SMYD3: variants seen among roughly 807,000 people sequenced by gnomAD.
SMYD3 encodes the protein SET and MYND domain containing 3, also known as histone-lysine N-methyltransferase SMYD3.
In SMYD3, 36 loss-of-function variants were observed where a neutral mutation model predicts 57.7. The observed-to-expected ratio is 0.62, with a 90% CI of 0.48 to 0.82. The LOEUF (loss-of-function observed/expected upper bound fraction) is 0.82. Ranked by LOEUF, SMYD3 falls within the 40% of genes least tolerant of loss-of-function variation. The pLI, the probability that SMYD3 is intolerant of heterozygous loss-of-function variation, is 0.00. For synonymous variants in SMYD3, 211 were observed against 195.0 expected (o/e 1.08, Z -0.68); for missense variants, 515 against 538.8 (o/e 0.96, Z 0.44).
At chr1:246,393,973 T>A (rs2066614682) in intron 1 of SMYD3, among the ~76,000 whole-genome samples, 1 of 152,186 alleles carries the variant, frequency 6.6e-6, no homozygotes, top group Non-Finnish European at 1.5e-5. Flanking sequence ...AGCAAAGGAT[T>A]TTTCCACATG....
intron 5 of SMYD3, among the ~76,000 whole-genome samples, chr1:246,170,966 AT>A (rs1029319608): frequency 2.6e-5 from 4 of 151,912 alleles, no homozygotes; most frequent in Non-Finnish European, 2.9e-5. Context: ...CAACCCTCTA[AT>A]TTTTTTTAAA....
Position 246,257,716 on chromosome 1 carries a change from G to A in SMYD3, c.531+69485C>T, listed in dbSNP as rs191458555. Among the ~76,000 whole-genome samples the A allele has an allele frequency of 4.2e-3, 646 of 152,318 alleles. 2 individuals carry two copies. Among genetic ancestry groups the A allele is most frequent in the Non-Finnish European group, 5.1e-3 (344 of 68,024 alleles). On this transcript the variant is annotated intron_variant, in intron 5 of 11. Transcript: ENST00000490107. ...ATTATGCGGTTGCTTTATAGGGTCT[G>A]TGGGCTATGTGCTTAAGGTGCTTTT...
intron 5 of SMYD3, among the ~76,000 whole-genome samples, chr1:246,184,525 A>C (rs935559044): frequency 2.0e-5 from 3 of 152,186 alleles, no homozygotes; most frequent in African/African-American, 7.2e-5. Context: ...ACAATATCAC[A>C]GATTATGGAC....
Position 246,086,139 on chromosome 1 carries a change from G to A in SMYD3, c.532-156202C>T, listed in dbSNP as rs564278973. 1.8e-4 allele frequency among the ~76,000 whole-genome samples: 27 copies of A among 151,930 alleles called. 1 individual carries two copies. The South Asian group carries it at 5.6e-3, about 32-fold the overall frequency. The stretch of plus-strand genomic sequence containing the variant: ...AAGAATGCCCTCTTTGGTTCTCAAA[G>A]CATTCTGCTTTGGACCACAAATTAT... On this transcript the variant is annotated intron_variant, in intron 5 of 11. Coordinates refer to ENST00000490107, the MANE Select transcript of SMYD3 (RefSeq NM_001167740.2).
intron 1 of SMYD3, among the ~76,000 whole-genome samples, chr1:246,486,797 CA>C (rs1408127407): frequency 6.6e-6 from 1 of 152,028 alleles, no homozygotes; most frequent in Admixed American, 6.6e-5. Context: ...TCACCACCCC[CA>C]AAAAAACTAA....
In SMYD3 at chr1:246,326,464, A is replaced by AT. The variant is rs200697408; in HGVS notation, c.531+736dup. On this transcript the variant is annotated intron_variant, in intron 5 of 11. Transcript: ENST00000490107. ...TAGGCCAAGATAAACCCTCGGAATC[A>AT]TTTAAAAAAAAAAAAAATACTTCAG... 3.9e-3 allele frequency: 2,456 copies of AT among 626,664 alleles called. 41 individuals are homozygous for AT. The African/African-American group carries it at 0.04, about 10-fold the overall frequency. The allele number at this position is 626,664 out of a possible 1,614,324, so 38.8% of individuals were successfully genotyped here. A position where few individuals can be genotyped will look rare whatever the true frequency, so the allele number is the denominator to read the frequency against.
At chr1:246,458,525 C>A (rs1401808557) in intron 1 of SMYD3, among the ~76,000 whole-genome samples, 5 of 139,262 alleles carry the variant, frequency 3.6e-5, no homozygotes, top group African/African-American at 1.3e-4. Context: ...CGGCTCACTG[C>A]AACCTCCGCC....
At chr1:246,044,210 C>A (rs1382174930) in intron 5 of SMYD3, among the ~76,000 whole-genome samples, 4 of 150,574 alleles carry the variant, frequency 2.7e-5, no homozygotes. Context: ...AGTTTCTGTG[C>A]AAAAAAAAAT....
At chr1:246,160,268 G>A (rs3890800) in intron 5 of SMYD3, among the ~76,000 whole-genome samples, 4,968 of 152,200 alleles carry the variant, frequency 0.033, 280 homozygotes, top group African/African-American at 0.11. Context: ...TTATTTCAAA[G>A]TTCTAGATAG....
At chr1:246,397,868 G>A (rs1339970630) in intron 1 of SMYD3, among the ~76,000 whole-genome samples, 6 of 149,628 alleles carry the variant, frequency 4.0e-5, no homozygotes, top group Non-Finnish European at 8.9e-5. Context: ...GGCCTTGTGT[G>A]TTGAGTCGGC....
At chr1:246,207,739 G>GA (rs1469720790) in intron 5 of SMYD3, among the ~76,000 whole-genome samples, 1 of 152,104 alleles carries the variant, frequency 6.6e-6, no homozygotes, top group Non-Finnish European at 1.5e-5. Flanking sequence ...GTGGAAGGAA[G>GA]AAAAATAAAT....
At chr1:246,345,815 G>A (rs1243071821) in intron 2 of SMYD3, among the ~76,000 whole-genome samples, 2 of 152,126 alleles carry the variant, frequency 1.3e-5, no homozygotes, top group Non-Finnish European at 2.9e-5. Context: ...CACCCTAAGA[G>A]GCAATATTCT....
intron 8 of SMYD3, among the ~76,000 whole-genome samples, chr1:245,885,583 G>GC (rs745434992): frequency 2.0e-5 from 3 of 151,962 alleles, no homozygotes; most frequent in Admixed American, 1.3e-4. Flanking sequence ...ACCAGATAAG[G>GC]CCCCTCCTTT....
At chr1:246,378,334 G>A (rs1406829521) in intron 1 of SMYD3, among the ~76,000 whole-genome samples, 1 of 152,104 alleles carries the variant, frequency 6.6e-6, no homozygotes, top group Non-Finnish European at 1.5e-5. Flanking sequence ...TGAGGGTGTT[G>A]CCAAAGGAGA....
intron 5 of SMYD3, among the ~76,000 whole-genome samples, chr1:246,224,834 T>G (rs1026774481): frequency 3.3e-5 from 5 of 151,928 alleles, no homozygotes; most frequent in Non-Finnish European, 7.4e-5. Context: ...AATGACTAGA[T>G]TTTTGTACTG....
chr1:245,768,825 C>G (rs1476722418), intron 10 of SMYD3, among the ~76,000 whole-genome samples: 1 of 152,050 alleles, frequency 6.6e-6, no homozygotes, highest in East Asian at 1.9e-4. Flanking sequence ...CAGCCCTCAC[C>G]AGACAACCTG....
Position 245,866,418 on chromosome 1 carries a change from GAGATAAA to G in SMYD3, c.814-2539_814-2533del. ...AACTTTCTGTACATGGAGGAGGGAG[GAGATAAA>G]ATGCCCTTAAGAAGGTAAACAACAG... On this transcript the variant is annotated intron_variant, in intron 8 of 11. Transcript: ENST00000490107. Among the ~76,000 whole-genome samples the G allele has an allele frequency of 1.3e-5, 2 of 151,994 alleles. 1 individual carries two copies.
At chr1:246,306,540 T>G (rs2064982299) in intron 5 of SMYD3, among the ~76,000 whole-genome samples, 1 of 152,222 alleles carries the variant, frequency 6.6e-6, no homozygotes, top group Non-Finnish European at 1.5e-5. Flanking sequence ...TTTCAATGGA[T>G]AGTCACTTTA....
At chr1:245,839,370 C>G (rs561596318) in intron 10 of SMYD3, among the ~76,000 whole-genome samples, 4 of 151,908 alleles carry the variant, frequency 2.6e-5, no homozygotes, top group Admixed American at 6.6e-5. Context: ...GGGGTTTCAC[C>G]GTGTTAGCCA....
Sources: allele counts gnomAD v4.1 joint callset (sites outside exome capture counted in the v4.1 genomes callset), GRCh38; gene constraint gnomAD v4.1.1; transcripts MANE v1.5; gene names NCBI Gene and HGNC (gene_info 2026-07-23, HGNC 2026-07-21).